EPM2A: variants seen among roughly 807,000 people sequenced by gnomAD.
EPM2A encodes the protein laforin.
In EPM2A, 21 loss-of-function variants were observed where a neutral mutation model predicts 26.5. That is an observed-to-expected ratio of 0.79 (90% CI 0.56 to 1.14). The LOEUF is 1.14. Ranked by LOEUF, EPM2A falls within the 50% of genes most tolerant of loss-of-function variation. EPM2A has a pLI of 0.00. For missense variants in EPM2A, 458 were observed against 440.8 expected, an observed-to-expected ratio of 1.04 and a Z score of -0.35; for synonymous variants, 217 against 177.6, an observed-to-expected ratio of 1.22 and a Z score of -1.76.
At chr6:145,503,207 T>G (rs1779919840) in intron 2 of EPM2A, among the ~76,000 whole-genome samples, 2 of 152,184 alleles carry the variant, frequency 1.3e-5, no homozygotes, top group South Asian at 2.1e-4. Context: ...ATTATTGACT[T>G]TAAAAATTTT....
chr6:145,686,444 G>C, intron 1 of EPM2A, 148 bp from the exon 2 acceptor site: 1 of 696,934 alleles, frequency 1.4e-6, no homozygotes, highest in South Asian at 1.8e-5. Context: ...AAAAAGACTA[G>C]AGTGAAAAAC....
At chr6:145,452,462 G>A (rs1779207775) in intron 4 of EPM2A, among the ~76,000 whole-genome samples, 1 of 118,818 alleles carries the variant, frequency 8.4e-6, no homozygotes, top group Non-Finnish European at 1.6e-5. Context: ...TGGCTAACAT[G>A]GTGAAACCCA....
At chr6:145,542,493 T>A (rs1405782932) in intron 2 of EPM2A, among the ~76,000 whole-genome samples, 2 of 152,194 alleles carry the variant, frequency 1.3e-5, no homozygotes, top group Non-Finnish European at 2.9e-5. Flanking sequence ...GAAAATAGTA[T>A]GAGAAGATGT....
At chr6:145,637,669 T>G (rs1190053978) in intron 2 of EPM2A, 1 of 152,214 alleles carries the variant, frequency 6.6e-6, no homozygotes, top group Non-Finnish European at 1.5e-5. Context: ...TTCTTAGATA[T>G]TCCACTGGAC....
chr6:145,576,787 G>C (rs1781038014), intron 2 of EPM2A, among the ~76,000 whole-genome samples: 1 of 152,056 alleles, frequency 6.6e-6, no homozygotes, highest in East Asian at 1.9e-4. Context: ...CATATATTTA[G>C]TGTAAAGAAT....
intron 4 of EPM2A, among the ~76,000 whole-genome samples, chr6:145,454,164 C>G (rs1469859826): frequency 6.6e-6 from 1 of 152,168 alleles, no homozygotes; most frequent in South Asian, 2.1e-4. Context: ...TATTCAGGTG[C>G]TCCTGTTTTC....
chr6:145,472,812 A>C (rs2114726708), intron 4 of EPM2A, among the ~76,000 whole-genome samples: 1 of 152,314 alleles, frequency 6.6e-6, no homozygotes, highest in East Asian at 1.9e-4. Flanking sequence ...TACCTCTACA[A>C]GTCTGCAAGA....
At chr6:145,463,957 C>A (rs936030922) in intron 4 of EPM2A, among the ~76,000 whole-genome samples, 1 of 152,106 alleles carries the variant, frequency 6.6e-6, no homozygotes, top group African/African-American at 2.4e-5. Context: ...GTGATTGGAT[C>A]ATGGGGGCTG....
chr6:145,404,662 T>C (rs1036391597), intron 4 of EPM2A, among the ~76,000 whole-genome samples: 1 of 152,124 alleles, frequency 6.6e-6, no homozygotes, highest in Non-Finnish European at 1.5e-5. Context: ...TTCTTCATTA[T>C]ATGGTAAAAT....
In EPM2A at chr6:145,530,290, T is replaced by G. The variant is rs117337724; in HGVS notation, c.341-27715A>C. Reference sequence around the variant, plus strand: ...CCTCTAGATCAACAAATGGAATTTATAGTCAAAAACAGAGGGATGAGAGGG... The same window carrying G: ...CCTCTAGATCAACAAATGGAATTTAGAGTCAAAAACAGAGGGATGAGAGGG... On this transcript the variant is annotated intron_variant, in intron 2 of 3. Coordinates refer to the EPM2A transcript ENST00000450221. Among the ~76,000 whole-genome samples the G allele has an allele frequency of 5.8e-3, 881 of 152,336 alleles. 6 individuals are homozygous for G. Among genetic ancestry groups the G allele is most frequent in the Middle Eastern group, 0.02 (6 of 294 alleles).
At chr6:145,513,639 T>TA (rs965102405) in intron 2 of EPM2A, among the ~76,000 whole-genome samples, 1 of 152,228 alleles carries the variant, frequency 6.6e-6, no homozygotes, top group African/African-American at 2.4e-5. Flanking sequence ...CTAACCTAGT[T>TA]AAAGTTGATT....
chr6:145,585,830 T>C (rs191653172), intron 2 of EPM2A, among the ~76,000 whole-genome samples: 9 of 152,240 alleles, frequency 5.9e-5, no homozygotes, highest in South Asian at 2.1e-4. Flanking sequence ...TTAACCAAAA[T>C]TGCAGCAGTC....
chr6:145,495,309 G>GATTT (rs565547073), intron 4 of EPM2A, among the ~76,000 whole-genome samples: 1,156 of 112,998 alleles, frequency 0.01, 17 homozygotes, highest in African/African-American at 0.034. Flanking sequence ...CAACCACTGG[G>GATTT]ATTTTTTTTT....
chr6:145,735,682 A>T, upstream of EPM2A: 1 of 1,067,752 alleles, frequency 9.4e-7, no homozygotes, highest in Non-Finnish European at 1.1e-6. Context: ...GACTTCGTCC[A>T]GGCCGGCGGG....
intron 4 of EPM2A, among the ~76,000 whole-genome samples, chr6:145,394,009 G>A (rs1778372077): frequency 6.6e-6 from 1 of 151,852 alleles, no homozygotes; most frequent in Admixed American, 6.6e-5. Flanking sequence ...ATCTTTAGTA[G>A]AGTCAGGGTT....
chr6:145,466,313 C>A (rs77685159), intron 4 of EPM2A, among the ~76,000 whole-genome samples: 9 of 151,580 alleles, frequency 5.9e-5, no homozygotes, highest in South Asian at 4.2e-4. Flanking sequence ...ACAAACAACC[C>A]CATCAAAAAG....
At chr6:145,674,472 T>C (rs1210624239) in intron 2 of EPM2A, among the ~76,000 whole-genome samples, 1 of 151,982 alleles carries the variant, frequency 6.6e-6, no homozygotes, top group African/African-American at 2.4e-5. Context: ...CTTTAGAAGG[T>C]CAGTAATAAC....
chr6:145,641,639 A>G lies in EPM2A; in HGVS notation c.477-6153T>C, dbSNP rs77884386. Among the ~76,000 whole-genome samples, 207 of 152,316 alleles carry G rather than the reference A, an allele frequency of 1.4e-3. 5 individuals are homozygous for G. In the East Asian group the frequency reaches 0.035, roughly 26 times the overall value. On this transcript the variant is annotated intron_variant, in intron 2 of 3. Transcript: ENST00000367519. ...CCAGACGTCCTTAAAGCATTGTAATAGATCTTTTTTCACCATTCATCCTGA... is the reference window on the plus strand; with the variant it reads ...CCAGACGTCCTTAAAGCATTGTAATGGATCTTTTTTCACCATTCATCCTGA...
At chr6:145,497,768 T>C (rs1390318266), downstream of EPM2A, among the ~76,000 whole-genome samples, 6 of 152,268 alleles carry the variant, frequency 3.9e-5, no homozygotes, top group South Asian at 1.0e-3. Context: ...TAGGAAGTCC[T>C]GCCCAGTGAG....
Sources: gnomAD v4.1 joint callset for allele counts (sites outside exome capture counted in the v4.1 genomes callset) on GRCh38, gnomAD v4.1.1 for gene constraint, MANE v1.5 for transcripts, NCBI Gene and HGNC (gene_info 2026-07-23, HGNC 2026-07-21) for gene names.